The following FBRSL1 variants were observed in gnomAD, a reference collection of about 807,000 sequenced individuals.
FBRSL1 encodes fibrosin like 1, also known as fibrosin-1-like protein.
FBRSL1 carries 51 observed loss-of-function variants against 89.6 expected under a neutral mutation model. The ratio of observed to expected loss-of-function variants is 0.57; its 90% CI spans 0.45 to 0.72. The LOEUF (loss-of-function observed/expected upper bound fraction) is 0.72. Among genes scored for constraint, FBRSL1 ranks in the 30% least tolerant of loss-of-function variants. FBRSL1 has a pLI of 0.00. For synonymous variants in FBRSL1, 779 were observed against 681.1 expected, an observed-to-expected ratio of 1.14 and a Z score of -2.24; for missense variants, 1,618 against 1,451.8, an observed-to-expected ratio of 1.11 and a Z score of -1.86.
chr12:132,518,483 CCA>C (rs2035048707), intron 2 of FBRSL1, among the ~76,000 whole-genome samples: 1 of 151,048 alleles, frequency 6.6e-6, no homozygotes, highest in Admixed American at 6.6e-5. Context: ...ATCCATCCAC[CCA>C]TGTGTCCATC....
chr12:132,490,774 C>T lies in FBRSL1; in HGVS notation c.204C>T (p.Arg68=). Residue 68 remains arginine, a synonymous_variant, in exon 1 of 19, where the codon CGC becomes CGT. Transcript: ENST00000680143. ...APAPRTARPP[R]RRRRESSSQE... ...CGCCCCGCACCGCGCGTCCCCCGCG[C>T]CGCCGCCGCCGCGAGTCCAGCTCGC... The T allele has an allele frequency of 1.8e-6, 2 of 1,088,310 alleles. No homozygotes were observed. Among genetic ancestry groups the T allele is most frequent in the Non-Finnish European group, 2.3e-6 (2 of 874,734 alleles). The allele number at this position is 1,088,310 out of a possible 1,614,324, so 67.4% of individuals were successfully genotyped here. A position where few individuals can be genotyped will look rare whatever the true frequency, so the allele number is the denominator to read the frequency against.
intron 11 of FBRSL1, 95 bp from the exon 12 acceptor site, chr12:132,573,995 G>A: frequency 1.2e-6 from 1 of 849,454 alleles, no homozygotes; most frequent in Non-Finnish European, 1.5e-6. Context: ...GCAAGGCAAA[G>A]CAGGGCACAG....
chr12:132,559,553 G>A (rs1322659720), intron 5 of FBRSL1, among the ~76,000 whole-genome samples: 1 of 152,048 alleles, frequency 6.6e-6, no homozygotes, highest in Non-Finnish European at 1.5e-5. Flanking sequence ...CGCCACCTCC[G>A]GCTAATTTTT....
At chr12:132,565,152 C>T (rs1593522858) in intron 5 of FBRSL1, 1 of 152,358 alleles carries the variant, frequency 6.6e-6, no homozygotes, top group South Asian at 2.1e-4. Context: ...CTGGCCGGCC[C>T]CTCCCTGGTA....
chr12:132,555,565 G>T (rs368590434), intron 5 of FBRSL1, among the ~76,000 whole-genome samples: 1 of 152,158 alleles, frequency 6.6e-6, no homozygotes, highest in East Asian at 1.9e-4. Flanking sequence ...TCACCCGAGC[G>T]TGAGCGTGGG....
chr12:132,571,563 CGTGGGGCGGGG>C (rs1566229990), intron 9 of FBRSL1: 1 of 1,299,858 alleles, frequency 7.7e-7, no homozygotes, highest in African/African-American at 1.6e-5. Flanking sequence ...CGGGGGCGGG[CGTGGGGCGGGG>C]ACACGCAGCA....
chr12:132,556,474 C>A (rs1164246340), intron 5 of FBRSL1, among the ~76,000 whole-genome samples: 2 of 151,986 alleles, frequency 1.3e-5, no homozygotes, highest in Non-Finnish European at 2.9e-5. Flanking sequence ...GTGGGACGCT[C>A]CTCTCCAGGC....
chr12:132,582,500 C>T (rs1052828272), intron 18 of FBRSL1, among the ~76,000 whole-genome samples: 4 of 151,164 alleles, frequency 2.6e-5, no homozygotes, highest in Non-Finnish European at 4.4e-5. Context: ...CCCCGGGGTA[C>T]GGGGGCCAAA....
chr12:132,524,546 C>G (rs1321494069), intron 2 of FBRSL1, among the ~76,000 whole-genome samples: 2 of 152,260 alleles, frequency 1.3e-5, no homozygotes, highest in Non-Finnish European at 2.9e-5. Flanking sequence ...GCGAGCCACA[C>G]CAGCCAGTCC....
At chr12:132,575,329 G>A (rs146525107) in intron 14 of FBRSL1, among the ~76,000 whole-genome samples, 3,130 of 152,328 alleles carry the variant, frequency 0.021, 119 homozygotes, top group African/African-American at 0.071. Flanking sequence ...CCGGGTTCAC[G>A]CCATTCTCCT....
chr12:132,553,909 C>T (rs563020810), intron 5 of FBRSL1: 1 of 152,386 alleles, frequency 6.6e-6, no homozygotes, highest in East Asian at 1.9e-4. Context: ...GAATTGGTGT[C>T]CTGCCTTTCC....
At chr12:132,505,218 C>T (rs1374580765) in intron 1 of FBRSL1, among the ~76,000 whole-genome samples, 5 of 152,224 alleles carry the variant, frequency 3.3e-5, no homozygotes, top group Admixed American at 6.5e-5. Context: ...TGGGTGAGCG[C>T]GGCCGCTGCT....
At chr12:132,579,313 G>A (rs1015066339) in intron 15 of FBRSL1, among the ~76,000 whole-genome samples, 14 of 152,148 alleles carry the variant, frequency 9.2e-5, no homozygotes, top group Admixed American at 4.6e-4. Context: ...GGATTCGTAC[G>A]TCATCTCCGG....
chr12:132,526,943 A>T (rs2035835292), intron 3 of FBRSL1, among the ~76,000 whole-genome samples: 1 of 151,770 alleles, frequency 6.6e-6, no homozygotes, highest in Non-Finnish European at 1.5e-5. Flanking sequence ...CACAACACCC[A>T]CTCGAGCCAG....
chr12:132,516,965 A>G (rs1174602125), intron 2 of FBRSL1, among the ~76,000 whole-genome samples: 1 of 152,246 alleles, frequency 6.6e-6, no homozygotes, highest in Non-Finnish European at 1.5e-5. Context: ...CCATGATGAT[A>G]TCGATTCCTG....
intron 2 of FBRSL1, among the ~76,000 whole-genome samples, chr12:132,513,248 C>G (rs567856008): frequency 1.3e-5 from 2 of 152,330 alleles, no homozygotes; most frequent in African/African-American, 4.8e-5. Context: ...GCTCCCATCA[C>G]AGGCAGCAGA....
At chr12:132,503,458 C>T (rs2033286211) in intron 1 of FBRSL1, among the ~76,000 whole-genome samples, 2 of 152,234 alleles carry the variant, frequency 1.3e-5, no homozygotes, top group African/African-American at 4.8e-5. Flanking sequence ...CATGGGACGC[C>T]CTGGGCGGGG....
At chr12:132,528,142 C>T (rs2035956107) in intron 4 of FBRSL1, among the ~76,000 whole-genome samples, 154 bp downstream of exon 4, 1 of 152,140 alleles carries the variant, frequency 6.6e-6, no homozygotes, top group South Asian at 2.1e-4. Context: ...CCTCAAACAC[C>T]ATGGGGTTGG....
chr12:132,513,887 T>C (rs754785967), intron 2 of FBRSL1, among the ~76,000 whole-genome samples: 9 of 152,094 alleles, frequency 5.9e-5, no homozygotes, highest in Non-Finnish European at 8.8e-5. Flanking sequence ...GGGAGGGGTG[T>C]GAGCGTGGGT....
Sources: allele counts gnomAD v4.1 joint callset (sites outside exome capture counted in the v4.1 genomes callset), GRCh38; gene constraint gnomAD v4.1.1; transcripts MANE v1.5; gene names NCBI Gene and HGNC (gene_info 2026-07-23, HGNC 2026-07-21).